The following ADAMTSL4 variants were observed in gnomAD, a reference collection of about 807,000 sequenced individuals.
ADAMTSL4 encodes the protein ADAMTS like 4.
ADAMTSL4 carries 97 observed loss-of-function variants against 122.8 expected under a neutral mutation model. The observed-to-expected ratio is 0.79, with a 90% confidence interval of 0.67 to 0.93. ADAMTSL4 has a LOEUF of 0.93. Ranked by LOEUF, ADAMTSL4 falls within the 40% of genes least tolerant of loss-of-function variation. The pLI, the probability that ADAMTSL4 is intolerant of heterozygous loss-of-function variation, is 0.00. For synonymous variants in ADAMTSL4, 592 were observed against 568.0 expected, an observed-to-expected ratio of 1.04 and a Z score of -0.60; for missense variants, 1,408 against 1,453.5, an observed-to-expected ratio of 0.97 and a Z score of 0.51.
In ADAMTSL4 at chr1:150,554,405, G is replaced by A. The variant is rs1446563836; in HGVS notation, c.1172G>A (p.Cys391Tyr). The change falls in exon 7 of 19, where the codon TGC becomes TAC. Residue 391 changes from cysteine (C) to tyrosine (Y), a missense_variant. Transcript: ENST00000271643. The surrounding 1 kb of genome is among the most constrained non-coding windows in gnomAD (Gnocchi z 4.0). ...PEQPDPRALQ[C>Y]AAFNSQEFMG... The stretch of plus-strand genomic sequence containing the variant: ...CAGCCAGACCCCCGGGCCCTGCAGT[G>A]CGCAGCCTTTAACTCCCAGGAATTC... The A allele has an allele frequency of 1.9e-6, 3 of 1,614,006 alleles. No individual in the cohort carries two copies. The highest frequency in any genetic ancestry group is 1.7e-6 in the Non-Finnish European group (2 of 1,180,018).
chr1:150,558,802 A>T, intron 15 of ADAMTSL4, 153 bp downstream of exon 15: 2 of 1,545,016 alleles, frequency 1.3e-6, no homozygotes, highest in South Asian at 2.4e-5. Flanking sequence ...AACAACTTCC[A>T]TGAGGGGCCC....
rs1418482496 is a variant in ADAMTSL4, at chr1:150,559,878, A to G, written c.3061A>G (p.Asn1021Asp). 6.2e-7 allele frequency: 1 copy of G among 1,613,990 alleles called. No homozygotes were observed. Among genetic ancestry groups the G allele is most frequent in the South Asian group, 1.1e-5 (1 of 91,086 alleles). Residue 1021 changes from asparagine (N) to aspartate (D), a missense_variant, in exon 18 of 19, where the codon AAC (asparagine) becomes GAC (aspartate). By Grantham distance (23) the Asn-to-Asp change is conservative. Transcript: ENST00000271643. This position sits in a 1 kb window ranked among gnomAD's most constrained non-coding sequence, Gnocchi z 4.1. ...GCGGCCCTCCAGGAAGCGCCCCTGT[A>G]ACAGCCAACCCTGCAGCCAGCGCCC... ...QLRPSRKRPC[N>D]SQPCSQRPDD...
intron 2 of ADAMTSL4, chr1:150,550,353 G>A: frequency 2.2e-6 from 1 of 449,846 alleles, no homozygotes; most frequent in Non-Finnish European, 4.5e-6. Context: ...GGGGAGGGTG[G>A]GGTGGGACTT....
In ADAMTSL4 at chr1:150,556,898, C is replaced by G; in HGVS notation, c.1750-41C>G. ...GAGAGAGAGCTGGTGGCATCCTCTTCTGGCCACCCCCACATATTCATTATC... is the reference window on the plus strand; with the variant it reads ...GAGAGAGAGCTGGTGGCATCCTCTTGTGGCCACCCCCACATATTCATTATC... On this transcript the variant is annotated intron_variant, in intron 10 of 18. Transcript: ENST00000271643. The surrounding 1 kb of genome is among the most constrained non-coding windows in gnomAD (Gnocchi z 4.1). 1.2e-6 allele frequency: 2 copies of G among 1,607,286 alleles called. No individual in the cohort carries two copies. The highest frequency in any genetic ancestry group is 1.1e-5 in the South Asian group (1 of 90,938).
chr1:150,560,366 C>A lies in ADAMTSL4; in HGVS notation c.*170C>A. On this transcript the variant is annotated 3_prime_UTR_variant, in exon 19 of 19. Coordinates refer to ENST00000271643, the MANE Select transcript of ADAMTSL4 (RefSeq NM_019032.6). ...ACAAAGTGACTTTCAGGGCTGTGGT[C>A]AGGCCCATGTGGTGGTGTGATGGGT... The A allele has an allele frequency of 1.8e-6, 2 of 1,082,022 alleles. No homozygotes were observed. The highest frequency in any genetic ancestry group is 2.6e-6 in the Non-Finnish European group (2 of 758,190). 67.0% of individuals were successfully genotyped at this position (1,082,022 alleles called of 1,614,324 possible).
chr1:150,553,315 G>A (rs587657849), intron 5 of ADAMTSL4, 62 bp downstream of exon 5: 36 of 1,606,334 alleles, frequency 2.2e-5, no homozygotes, highest in Non-Finnish European at 2.7e-5. Context: ...ATGAAGGAAA[G>A]GGGAGCACGG....
rs41317523 is a variant in ADAMTSL4, at chr1:150,554,311, C to T, written c.1132-54C>T. On this transcript the variant is annotated intron_variant, in intron 6 of 18. Coordinates refer to ENST00000271643, the MANE Select transcript of ADAMTSL4 (RefSeq NM_019032.6). The surrounding 1 kb of genome is among the most constrained non-coding windows in gnomAD (Gnocchi z 4.0). ...CACCTGCTCCCCAGGTTCAGCCCTG[C>T]CCCTACCCTCATTTTGCTCCCCAGC... 1.9e-6 allele frequency: 3 copies of T among 1,564,620 alleles called. No homozygotes were observed. The highest frequency in any genetic ancestry group is 1.8e-6 in the Non-Finnish European group (2 of 1,137,430).
Position 150,556,497 on chromosome 1 carries a change from A to C in ADAMTSL4, c.1577-124A>C. 1 of 1,568,184 alleles carries C rather than the reference A, an allele frequency of 6.4e-7. No individual in the cohort carries two copies. The highest frequency in any genetic ancestry group is 1.7e-5 in the Admixed American group (1 of 59,186). ...CCCTCCCCTCGTGGAAGGAGTGAGG[A>C]AGCTGAGAGGGCTTGGGGGGATCTT... On this transcript the variant is annotated intron_variant, in intron 9 of 18. Coordinates refer to ENST00000271643, the MANE Select transcript of ADAMTSL4 (RefSeq NM_019032.6). The surrounding 1 kb of genome is among the most constrained non-coding windows in gnomAD (Gnocchi z 4.1).
In ADAMTSL4 at chr1:150,552,745, A is replaced by G; in HGVS notation, c.78+145A>G. The G allele has an allele frequency of 7.7e-7, 1 of 1,302,078 alleles. No individual in the cohort carries two copies. Among genetic ancestry groups the G allele is most frequent in the South Asian group, 1.2e-5 (1 of 81,478 alleles). The allele number at this position is 1,302,078 out of a possible 1,614,324, so 80.7% of individuals were successfully genotyped here. On this transcript the variant is annotated intron_variant, in intron 4 of 18. Coordinates refer to ENST00000271643, the MANE Select transcript of ADAMTSL4 (RefSeq NM_019032.6). This position sits in a 1 kb window ranked among gnomAD's most constrained non-coding sequence, Gnocchi z 4.0. The stretch of plus-strand genomic sequence containing the variant: ...CCAACTCCCCAGTTCCTTGCCTCAT[A>G]ACACCAAGAGGCCGAGGTGTAGTTC...
chr1:150,551,673 A>C (rs964691031), intron 2 of ADAMTSL4: 5 of 155,548 alleles, frequency 3.2e-5, no homozygotes, highest in Admixed American at 3.1e-4. Flanking sequence ...CCAAGGCAGG[A>C]GAAGCGCTTG....
Position 150,554,259 on chromosome 1 carries a change from G to A in ADAMTSL4, c.1132-106G>A, listed in dbSNP as rs1671765525. ...CTGACCACCTCAGGGCAGGGGTCTT[G>A]GAGCTCTTCCGCTGACCTGAGCCTC... On this transcript the variant is annotated intron_variant, in intron 6 of 18. Coordinates refer to ENST00000271643, the MANE Select transcript of ADAMTSL4 (RefSeq NM_019032.6). The surrounding 1 kb of genome is among the most constrained non-coding windows in gnomAD (Gnocchi z 4.0). 2.1e-6 allele frequency: 3 copies of A among 1,440,962 alleles called. No homozygotes were observed. The highest frequency in any genetic ancestry group is 2.4e-4 in the Middle Eastern group (1 of 4,150). The allele number at this position is 1,440,962 out of a possible 1,614,324, so 89.3% of individuals were successfully genotyped here.
At position 150,554,480 on chromosome 1, in the gene ADAMTSL4, G is replaced by A; in HGVS notation, c.1234+13G>A. The A allele has an allele frequency of 6.2e-7, 1 of 1,613,998 alleles. No homozygotes were observed. The highest frequency in any genetic ancestry group is 8.5e-7 in the Non-Finnish European group (1 of 1,179,886). ...CCCTTCACTGAAGGTGAGGTTTCTT[G>A]CTCACCCCTGGGCAGTGGTGGCTTG... On this transcript the variant is annotated intron_variant, in intron 7 of 18. Transcript: ENST00000271643. The surrounding 1 kb of genome is among the most constrained non-coding windows in gnomAD (Gnocchi z 4.0).
Position 150,554,747 on chromosome 1 carries a change from G to C in ADAMTSL4, c.1234+280G>C, listed in dbSNP as rs1461207027. On this transcript the variant is annotated intron_variant, in intron 7 of 18. Coordinates refer to ENST00000271643, the MANE Select transcript of ADAMTSL4 (RefSeq NM_019032.6). This position sits in a 1 kb window ranked among gnomAD's most constrained non-coding sequence, Gnocchi z 4.0. ...GGGTCAGGTGGCTGTGACACAAGAG[G>C]GCCATGGTGGGAGAGATCCTGTCCA... 8.0e-7 allele frequency: 1 copy of C among 1,248,446 alleles called. No homozygotes were observed. The highest frequency in any genetic ancestry group is 1.5e-5 in the African/African-American group (1 of 66,756). The allele number at this position is 1,248,446 out of a possible 1,614,324, so 77.3% of individuals were successfully genotyped here.
rs755895152 is a variant in ADAMTSL4, at chr1:150,557,546, G to A, written c.2100G>A (p.Leu700=). Residue 700 remains leucine, a synonymous_variant, in exon 13 of 19, where the codon CTG becomes CTA. Transcript: ENST00000271643. ...TCTCCCGTGAGTCGGGAGAGGAACTGGATGAACGCAGCTGTGCCGCGGGTG... is the reference window on the plus strand; with the variant it reads ...TCTCCCGTGAGTCGGGAGAGGAACTAGATGAACGCAGCTGTGCCGCGGGTG... ...LCISRESGEE[L]DERSCAAGAR... is the part of the protein sequence containing the mutation. The A allele has an allele frequency of 6.2e-7, 1 of 1,611,314 alleles. No homozygotes were observed. The highest frequency in any genetic ancestry group is 1.7e-5 in the Admixed American group (1 of 59,802).
At position 150,552,901 on chromosome 1, in the gene ADAMTSL4, T is replaced by C; in HGVS notation, c.82T>C (p.Leu28=). The C allele has an allele frequency of 2.5e-6, 4 of 1,612,460 alleles. No homozygotes were observed. Among genetic ancestry groups the C allele is most frequent in the African/African-American group, 2.7e-5 (2 of 74,982 alleles). The change falls in exon 5 of 19, where the codon TTG becomes CTG. Residue 28 remains leucine, a synonymous_variant. Transcript: ENST00000271643. The surrounding 1 kb of genome is among the most constrained non-coding windows in gnomAD (Gnocchi z 4.0). ...LPQLCLDQEV[L]SGHSLQTPTE... Reference sequence around the variant, plus strand: ...TCTGACCTTTTTCTCTATATAGGTGTTGTCCGGACACTCTCTTCAGACACC... The same window carrying C: ...TCTGACCTTTTTCTCTATATAGGTGCTGTCCGGACACTCTCTTCAGACACC...
chr1:150,557,764 G>A (rs587703667), intron 13 of ADAMTSL4, 141 bp downstream of exon 13: 309 of 1,333,850 alleles, frequency 2.3e-4, no homozygotes, highest in Admixed American at 2.9e-4. Context: ...GCAGACATTC[G>A]GTAGGCAGCA....
Position 150,554,396 on chromosome 1 carries a change from C to T in ADAMTSL4, c.1163C>T (p.Ala388Val), listed in dbSNP as rs775233529. The T allele has an allele frequency of 1.3e-5, 21 of 1,613,776 alleles. No homozygotes were observed. The African/African-American group carries it at 2.4e-4, about 18-fold the overall frequency. The change falls in exon 7 of 19, where the codon GCC becomes GTC. Residue 388 changes from alanine (A) to valine (V), a missense_variant. By Grantham distance (64) the Ala-to-Val change is moderately conservative (BLOSUM62 0). Transcript: ENST00000271643. This position sits in a 1 kb window ranked among gnomAD's most constrained non-coding sequence, Gnocchi z 4.0. The stretch of plus-strand genomic sequence containing the variant: ...CCCCCTGAGCAGCCAGACCCCCGGG[C>T]CCTGCAGTGCGCAGCCTTTAACTCC... ...PCPPEQPDPR[A>V]LQCAAFNSQE...
Position 150,552,406 on chromosome 1 carries a change from A to C in ADAMTSL4, c.20+98A>C, listed in dbSNP as rs1671512303. On this transcript the variant is annotated intron_variant, in intron 3 of 18. Coordinates refer to ENST00000271643, the MANE Select transcript of ADAMTSL4 (RefSeq NM_019032.6). This position sits in a 1 kb window ranked among gnomAD's most constrained non-coding sequence, Gnocchi z 4.0. ...GGGAAAGGGGACCACTGGGAGGGGC[A>C]GGGGAAGTGATGAGTAACTTCTGCT... 12 of 1,539,158 alleles carry C rather than the reference A, an allele frequency of 7.8e-6. No homozygotes were observed. Among genetic ancestry groups the C allele is most frequent in the Admixed American group, 1.9e-5 (1 of 52,932 alleles).
chr1:150,555,684 C>A, intron 8 of ADAMTSL4, 119 bp downstream of exon 8: 2 of 1,398,896 alleles, frequency 1.4e-6, no homozygotes, highest in Non-Finnish European at 1.9e-6. Flanking sequence ...CAAGCACATA[C>A]ACACACGCAT....
Sources: allele counts gnomAD v4.1 joint callset, GRCh38; gene constraint gnomAD v4.1.1; non-coding constraint Gnocchi (gnomAD v3.1); transcripts MANE v1.5; gene names NCBI Gene and HGNC (gene_info 2026-07-23, HGNC 2026-07-21).